The following RRN3 variants were observed in gnomAD, a reference collection of about 807,000 sequenced individuals.
RRN3 encodes RNA polymerase I transcription factor RRN3.
RRN3 carries 38 observed loss-of-function variants against 82.3 expected under a neutral mutation model. The observed-to-expected ratio is 0.46, with a 90% CI of 0.36 to 0.61. The LOEUF (loss-of-function observed/expected upper bound fraction) is 0.61. RRN3 is among the 20% of genes least tolerant of loss of function. RRN3 has a pLI of 0.00. For missense variants in RRN3, 726 were observed against 793.1 expected (o/e 0.92, Z 1.02); for synonymous variants, 284 against 284.3 (o/e 1.00, Z 0.01).
chr16:15,065,248 G>C lies in RRN3; in HGVS notation c.1677C>G (p.Phe559Leu), dbSNP rs766503968. ...TCAGCACACAGGGATCAAAGGGGAA[G>C]AAGGTGTCCAGCGGGTTTGTGCAGA... ...VQICTNPLDT[F>L]FPFDPCVLKR... The change falls in exon 16 of 18, where the codon TTC (phenylalanine) becomes TTG (leucine). Residue 559 changes from phenylalanine to leucine, a missense_variant. Transcript: ENST00000198767. 11 of 1,613,814 alleles carry C rather than the reference G, an allele frequency of 6.8e-6. No homozygotes were observed. The highest frequency in any genetic ancestry group is 9.3e-6 in the Non-Finnish European group (11 of 1,179,782).
intron 16 of RRN3, among the ~76,000 whole-genome samples, chr16:15,064,162 C>T (rs865984503): frequency 6.6e-6 from 1 of 151,806 alleles, no homozygotes; most frequent in East Asian, 1.9e-4. Flanking sequence ...CTAGATAAAT[C>T]GCTTTTTGTT....
At chr16:15,078,261 T>C (rs11644601) in intron 9 of RRN3, among the ~76,000 whole-genome samples, 31,267 of 152,074 alleles carry the variant, frequency 0.21, 4,244 homozygotes, top group Middle Eastern at 0.34. Flanking sequence ...CTTCCTGCTT[T>C]CCTATAGCAT....
chr16:15,084,540 G>T lies in RRN3; in HGVS notation c.596+102C>A, dbSNP rs2045838147. 2.4e-5 allele frequency: 19 copies of T among 796,628 alleles called. No homozygotes were observed. The East Asian group carries it at 5.3e-4, about 22-fold the overall frequency. 49.3% of individuals were successfully genotyped at this position (796,628 alleles called of 1,614,324 possible). A position where few individuals can be genotyped will look rare whatever the true frequency, so the allele number is the denominator to read the frequency against. The stretch of plus-strand genomic sequence containing the variant: ...AGTGGATACAAAAAAAACATGCAAT[G>T]TAAGACTCAAGCTTTAATACTATTA... On this transcript the variant is annotated intron_variant, in intron 7 of 17. Transcript: ENST00000198767.
chr16:15,084,375 C>T (rs1231714173), intron 7 of RRN3, among the ~76,000 whole-genome samples: 1 of 152,086 alleles, frequency 6.6e-6, no homozygotes, highest in Non-Finnish European at 1.5e-5. Flanking sequence ...TTTTGGATAG[C>T]ATATCTGTTG....
chr16:15,073,960 C>A (rs1263103983), intron 11 of RRN3, among the ~76,000 whole-genome samples: 2 of 152,088 alleles, frequency 1.3e-5, no homozygotes, highest in African/African-American at 2.4e-5. Context: ...ATGTAAAGGG[C>A]AGATTATGAA....
intron 3 of RRN3, among the ~76,000 whole-genome samples, chr16:15,089,595 T>C (rs940992857): frequency 1.3e-5 from 2 of 148,174 alleles, no homozygotes; most frequent in African/African-American, 2.5e-5. Flanking sequence ...GGTCAGAAGA[T>C]CGAGACCATC....
chr16:15,063,884 C>G (rs1301589752), intron 16 of RRN3, among the ~76,000 whole-genome samples: 1 of 152,118 alleles, frequency 6.6e-6, no homozygotes, highest in African/African-American at 2.4e-5. Context: ...CAAAGACTCA[C>G]AAGTCAGTTA....
At position 15,086,519 on chromosome 16, in the gene RRN3, A is replaced by C. The variant is rs994593343; in HGVS notation, c.253-65T>G. The C allele has an allele frequency of 3.8e-6, 6 of 1,592,094 alleles. No homozygotes were observed. In the African/African-American group the frequency reaches 5.4e-5, roughly 14 times the overall value. Reference sequence around the variant, plus strand: ...TCTAACATAACAGAAATTTACAGCTATCTTATATCAATCATTTATCAAGAA... The same window carrying C: ...TCTAACATAACAGAAATTTACAGCTCTCTTATATCAATCATTTATCAAGAA... On this transcript the variant is annotated intron_variant, in intron 3 of 17. Coordinates refer to ENST00000198767, the MANE Select transcript of RRN3 (RefSeq NM_018427.5).
chr16:15,092,965 T>C (rs1408474051), intron 1 of RRN3, among the ~76,000 whole-genome samples: 2 of 152,212 alleles, frequency 1.3e-5, no homozygotes, highest in Non-Finnish European at 2.9e-5. Context: ...CACTTACTGT[T>C]CACTCTATTG....
intron 12 of RRN3, 121 bp downstream of exon 12, chr16:15,072,829 G>A: frequency 2.0e-6 from 2 of 980,256 alleles, no homozygotes; most frequent in Non-Finnish European, 3.0e-6. Context: ...AAGCAGACTA[G>A]CAAGTAAGCT....
At chr16:15,064,736 C>CT (rs1360026456) in intron 16 of RRN3, among the ~76,000 whole-genome samples, 2 of 152,196 alleles carry the variant, frequency 1.3e-5, no homozygotes, top group East Asian at 3.8e-4. Flanking sequence ...GCAAGTCCTG[C>CT]TAGGCATCCT....
At chr16:15,062,060 T>C (rs1355181524) in intron 17 of RRN3, among the ~76,000 whole-genome samples, 155 bp from the exon 18 acceptor site, 1 of 152,212 alleles carries the variant, frequency 6.6e-6, no homozygotes, top group Admixed American at 6.5e-5. Context: ...ACGCCTGTAG[T>C]CCCAGCTACT....
chr16:15,061,783 GCCCACA>G lies in RRN3; in HGVS notation c.1911_1916del (p.Val638_Gly639del). 6.2e-7 allele frequency: 1 copy of G among 1,614,060 alleles called. No homozygotes were observed. The highest frequency in any genetic ancestry group is 8.5e-7 in the Non-Finnish European group (1 of 1,179,882). ...GTTGCATGTACAACACGGGTGGGGA[GCCCACA>G]CTACTTGAAGGACTTCGGAAATGCG... On this transcript the variant is annotated inframe_deletion, in exon 18 of 18. Coordinates refer to ENST00000198767, the MANE Select transcript of RRN3 (RefSeq NM_018427.5).
In RRN3 at chr16:15,083,398, CAAAAAA is replaced by C. The variant is rs1368487944; in HGVS notation, c.666+109_666+114del. 5.4e-6 allele frequency: 8 copies of C among 1,491,224 alleles called. No individual in the cohort carries two copies. In the Admixed American group the frequency reaches 9.6e-5, roughly 18 times the overall value. 92.4% of individuals were successfully genotyped at this position (1,491,224 alleles called of 1,614,324 possible). ...TGGGCGACAGAGTGAGACTCGGTCT[CAAAAAA>C]GAAAAAGAAAAAGAAAGACTGGAAA... On this transcript the variant is annotated intron_variant, in intron 8 of 17. Coordinates refer to ENST00000198767, the MANE Select transcript of RRN3 (RefSeq NM_018427.5).
Position 15,079,833 on chromosome 16 carries a change from G to A in RRN3, c.765+165C>T, listed in dbSNP as rs1414701623. On this transcript the variant is annotated intron_variant, in intron 9 of 17. Coordinates refer to ENST00000198767, the MANE Select transcript of RRN3 (RefSeq NM_018427.5). Reference sequence around the variant, plus strand: ...GCTGGTCTCGAACTCCTGACCTCAGGTGATCTGCCTGCCTCGGCCTCCCAA... The same window carrying A: ...GCTGGTCTCGAACTCCTGACCTCAGATGATCTGCCTGCCTCGGCCTCCCAA... 3.3e-5 allele frequency among the ~76,000 whole-genome samples: 5 copies of A among 152,246 alleles called. No homozygotes were observed. The South Asian group carries it at 1.0e-3, about 32-fold the overall frequency.
chr16:15,092,410 T>C (rs1357904592), intron 2 of RRN3, 99 bp downstream of exon 2: 15 of 741,852 alleles, frequency 2.0e-5, no homozygotes, highest in Middle Eastern at 4.6e-4. Flanking sequence ...TCAACTGGTA[T>C]CTTAATTAAT....
chr16:15,094,332 C>T, upstream of RRN3: 1 of 1,128,812 alleles, frequency 8.9e-7, no homozygotes, highest in Non-Finnish European at 1.3e-6. Flanking sequence ...GCGCAACCTT[C>T]AGCCAATCAG....
intron 15 of RRN3, 22 bp downstream of exon 15, chr16:15,068,147 C>T (rs1225999826): frequency 1.3e-6 from 2 of 1,506,104 alleles, no homozygotes; most frequent in South Asian, 2.5e-5. Context: ...TAACTCCCAT[C>T]AAGAAAGCGT....
chr16:15,074,180 G>C (rs1420826828), intron 11 of RRN3, among the ~76,000 whole-genome samples: 1 of 152,100 alleles, frequency 6.6e-6, no homozygotes, highest in Non-Finnish European at 1.5e-5. Context: ...CAGCAAGACC[G>C]TTAAAACAGT....
Sources: allele counts gnomAD v4.1 joint callset (sites outside exome capture counted in the v4.1 genomes callset), GRCh38; gene constraint gnomAD v4.1.1; transcripts MANE v1.5; gene names NCBI Gene and HGNC (gene_info 2026-07-23, HGNC 2026-07-21).